TRIO: variants seen among roughly 807,000 people sequenced by gnomAD.
The protein encoded by TRIO is triple functional domain protein.
Under a neutral mutation model 351.9 loss-of-function variants are expected in TRIO, and 58 were observed. The observed-to-expected ratio is 0.16, with a 90% CI of 0.13 to 0.21. TRIO has a LOEUF of 0.21. TRIO is among the 10% of genes least tolerant of loss of function. The pLI is 1.00. For synonymous variants in TRIO, 1,758 were observed against 1,595.7 expected, an observed-to-expected ratio of 1.10 and a Z score of -2.42; for missense variants, 3,201 against 4,027.8, an observed-to-expected ratio of 0.79 and a Z score of 5.56.
chr5:14,321,861 G>A (rs1228214391), intron 9 of TRIO, among the ~76,000 whole-genome samples: 1 of 152,140 alleles, frequency 6.6e-6, no homozygotes, highest in African/African-American at 2.4e-5. Flanking sequence ...TTTTATAAAT[G>A]GGAGTTCCCC....
chr5:14,362,140 A>G (rs1338578840), intron 13 of TRIO, among the ~76,000 whole-genome samples: 1 of 152,220 alleles, frequency 6.6e-6, no homozygotes, highest in Non-Finnish European at 1.5e-5. Flanking sequence ...CTTCAAAGCT[A>G]TACCGAAGCA....
At chr5:14,414,669 T>C (rs1749493505) in intron 33 of TRIO, among the ~76,000 whole-genome samples, 1 of 152,252 alleles carries the variant, frequency 6.6e-6, no homozygotes, top group Non-Finnish European at 1.5e-5. Context: ...TTCACCATTT[T>C]TATGTCCTCA....
chr5:14,479,019 G>C (rs1755315606), intron 41 of TRIO, among the ~76,000 whole-genome samples: 1 of 152,094 alleles, frequency 6.6e-6, no homozygotes, highest in South Asian at 2.1e-4. Context: ...GTTGGTATTT[G>C]GTACTGTAAA....
chr5:14,253,518 T>G (rs116084893), intron 1 of TRIO, among the ~76,000 whole-genome samples: 1 of 152,138 alleles, frequency 6.6e-6, no homozygotes. Flanking sequence ...TTCTTTTTTT[T>G]TGTGGAGACA....
chr5:14,333,719 A>G (rs1741122948), intron 10 of TRIO, among the ~76,000 whole-genome samples: 1 of 152,148 alleles, frequency 6.6e-6, no homozygotes, highest in Non-Finnish European at 1.5e-5. Flanking sequence ...AGGAAGAGCA[A>G]AGTCTCATGC....
At chr5:14,211,436 T>C (rs1360380255) in intron 1 of TRIO, among the ~76,000 whole-genome samples, 7 of 152,198 alleles carry the variant, frequency 4.6e-5, no homozygotes, top group African/African-American at 1.7e-4. Flanking sequence ...TACTATAAAT[T>C]TGCCCCTGCT....
intron 23 of TRIO, 130 bp downstream of exon 23, chr5:14,387,977 T>C (rs547574320): frequency 1.1e-6 from 1 of 908,528 alleles, no homozygotes; most frequent in South Asian, 1.7e-5. Flanking sequence ...TGGGTGGACT[T>C]AGTTGTGTCA....
chr5:14,207,557 C>CACACACACA (rs58848680), intron 1 of TRIO, among the ~76,000 whole-genome samples: 19 of 146,266 alleles, frequency 1.3e-4, no homozygotes, highest in African/African-American at 2.5e-4. Context: ...CACACACACA[C>CACACACACA]GGAGCCAGGT....
At chr5:14,374,083 G>T in intron 18 of TRIO, 146 bp from the exon 19 acceptor site, 1 of 547,010 alleles carries the variant, frequency 1.8e-6, no homozygotes, top group South Asian at 2.1e-5. Flanking sequence ...AATTGAATTA[G>T]ATTTTATCCT....
intron 49 of TRIO, 25 bp downstream of exon 49, chr5:14,492,839 C>T: frequency 1.9e-6 from 3 of 1,606,764 alleles, no homozygotes; most frequent in Non-Finnish European, 1.7e-6. Context: ...GTAACGGCGT[C>T]CTGGCAGGCA....
intron 49 of TRIO, 80 bp downstream of exon 49, chr5:14,492,894 C>T (rs775077769): frequency 6.4e-7 from 1 of 1,567,276 alleles, no homozygotes. Context: ...CGACCTCAGA[C>T]GGGGTAAGCA....
chr5:14,391,361 C>T (rs183067194), intron 27 of TRIO, among the ~76,000 whole-genome samples: 1 of 152,250 alleles, frequency 6.6e-6, no homozygotes, highest in Admixed American at 6.5e-5. Context: ...AGCTTCTTTT[C>T]CCCCTCAGTA....
intron 34 of TRIO, among the ~76,000 whole-genome samples, chr5:14,451,927 A>G (rs575591675): frequency 6.6e-6 from 1 of 152,370 alleles, no homozygotes; most frequent in South Asian, 2.1e-4. Context: ...ATCTGTCTTT[A>G]ACATAAGCTA....
chr5:14,449,737 C>G (rs1161820598), intron 34 of TRIO, among the ~76,000 whole-genome samples: 1 of 152,160 alleles, frequency 6.6e-6, no homozygotes, highest in Non-Finnish European at 1.5e-5. Context: ...TTACTGTTAT[C>G]CACGATCAGT....
chr5:14,396,089 G>C (rs1015348134), intron 28 of TRIO, among the ~76,000 whole-genome samples: 5 of 149,128 alleles, frequency 3.4e-5, no homozygotes, highest in African/African-American at 1.2e-4. Flanking sequence ...CCCACCAGAA[G>C]GTGAACTTAC....
chr5:14,260,283 C>T (rs1372710066), intron 1 of TRIO, among the ~76,000 whole-genome samples: 1 of 152,308 alleles, frequency 6.6e-6, no homozygotes, highest in Non-Finnish European at 1.5e-5. Flanking sequence ...GTATCTATAT[C>T]TCTTTACACA....
rs867504641 is a variant in TRIO at position 14,190,772 on chromosome 5, C to A, written c.157+46890C>A. ...AGAGCTGACTAAATTAAAAAAAAAT[C>A]CACCTCAAAAAGAAGTGAATGGCTG... On this transcript the variant is annotated intron_variant, in intron 1 of 56. Transcript: ENST00000344204. Among the ~76,000 whole-genome samples, 25 of 152,166 alleles carry A rather than the reference C, an allele frequency of 1.6e-4. No individual in the cohort carries two copies. The South Asian group carries it at 1.7e-3, about 10-fold the overall frequency.
chr5:14,451,725 C>G (rs907274437), intron 34 of TRIO, among the ~76,000 whole-genome samples: 2 of 152,250 alleles, frequency 1.3e-5, no homozygotes, highest in African/African-American at 4.8e-5. Context: ...TAGCTTTCAT[C>G]AGCACATAGC....
At chr5:14,233,314 C>CT (rs1158580142) in intron 1 of TRIO, among the ~76,000 whole-genome samples, 17 of 44,676 alleles carry the variant, frequency 3.8e-4, no homozygotes, top group African/African-American at 2.0e-3. Context: ...GACCTCGTCT[C>CT]TTAAAAAAAA....
Sources: allele counts gnomAD v4.1 joint callset (sites outside exome capture counted in the v4.1 genomes callset), GRCh38; gene constraint gnomAD v4.1.1; transcripts MANE v1.5; gene names NCBI Gene and HGNC (gene_info 2026-07-23, HGNC 2026-07-21).